KDF1: variants seen among roughly 807,000 people sequenced by gnomAD.
KDF1 encodes the protein RP11-344H11.3.
In KDF1, 11 loss-of-function variants were observed where a neutral mutation model predicts 31.6. The observed-to-expected ratio is 0.35, with a 90% confidence interval of 0.22 to 0.58. The LOEUF is 0.58. Ranked by LOEUF, KDF1 falls within the 20% of genes least tolerant of loss-of-function variation. KDF1 has a pLI of 0.83. For synonymous variants in KDF1, 205 were observed against 214.4 expected (o/e 0.96, Z 0.38); for missense variants, 476 against 549.1 (o/e 0.87, Z 1.33).
At position 26,951,742 on chromosome 1, in the gene KDF1, G is replaced by C. The variant is rs200494012; in HGVS notation, c.639C>G (p.Ser213=). Residue 213 remains serine (S), a synonymous_variant, in exon 2 of 4, where the codon TCC becomes TCG. Coordinates refer to ENST00000320567, the MANE Select transcript of KDF1 (RefSeq NM_152365.3). This position sits in a 1 kb window ranked among gnomAD's most constrained non-coding sequence, Gnocchi z 5.4. Reference sequence around the variant, plus strand: ...ACTCATGGAAAGAATAGTACTCCTCGGAGCCACGAGGACTACTGGCAAAGG... The same window carrying C: ...ACTCATGGAAAGAATAGTACTCCTCCGAGCCACGAGGACTACTGGCAAAGG... ...PSTFASSPRG[S]EEYYSFHESD... is the part of the protein sequence containing the mutation. 3.7e-6 allele frequency: 6 copies of C among 1,614,008 alleles called. No homozygotes were observed. Among genetic ancestry groups the C allele is most frequent in the Non-Finnish European group, 5.1e-6 (6 of 1,180,024 alleles).
At chr1:26,957,270 T>C (rs1557688247) in intron 1 of KDF1, among the ~76,000 whole-genome samples, 4 of 152,130 alleles carry the variant, frequency 2.6e-5, no homozygotes, top group African/African-American at 9.7e-5. Flanking sequence ...TACAACTCTT[T>C]AACCTACTCT....
At position 26,949,975 on chromosome 1, in the gene KDF1, T is replaced by G. The variant is rs1177267659; in HGVS notation, c.*94A>C. On this transcript the variant is annotated 3_prime_UTR_variant, in exon 4 of 4. Coordinates refer to ENST00000320567, the MANE Select transcript of KDF1 (RefSeq NM_152365.3). ...GAGCCAGAGTGGGCACTGCTTCAGG[T>G]CTAAGCCTCTCCCACAGGGGTTCCT... 5.3e-6 allele frequency: 7 copies of G among 1,323,632 alleles called. No individual in the cohort carries two copies. The highest frequency in any genetic ancestry group is 2.5e-4 in the Middle Eastern group (1 of 4,080). The allele number at this position is 1,323,632 out of a possible 1,614,324, so 82.0% of individuals were successfully genotyped here. A position where few individuals can be genotyped will look rare whatever the true frequency, so the allele number is the denominator to read the frequency against.
intron 1 of KDF1, among the ~76,000 whole-genome samples, chr1:26,958,787 GC>G (rs1314890728): frequency 6.6e-6 from 1 of 152,162 alleles, no homozygotes. Flanking sequence ...CATGTTGGGA[GC>G]CCTGTCTTCC....
Position 26,952,408 on chromosome 1 carries a change from G to C in KDF1, c.-28C>G, listed in dbSNP as rs766711238. 6.7e-7 allele frequency: 1 copy of C among 1,491,936 alleles called. No individual in the cohort carries two copies. Among genetic ancestry groups the C allele is most frequent in the East Asian group, 2.3e-5 (1 of 43,706 alleles). The allele number at this position is 1,491,936 out of a possible 1,614,324, so 92.4% of individuals were successfully genotyped here. A position where few individuals can be genotyped will look rare whatever the true frequency, so the allele number is the denominator to read the frequency against. On this transcript the variant is annotated 5_prime_UTR_variant, in exon 2 of 4. Coordinates refer to ENST00000320567, the MANE Select transcript of KDF1 (RefSeq NM_152365.3). This position sits in a 1 kb window ranked among gnomAD's most constrained non-coding sequence, Gnocchi z 4.1. ...CTCATTGCATGGTTTGTAGCAGCCAGGCACCTGCGTGGGGAGAGGCCAGGA... is the reference window on the plus strand; with the variant it reads ...CTCATTGCATGGTTTGTAGCAGCCACGCACCTGCGTGGGGAGAGGCCAGGA...
rs777367914 is a variant in KDF1, at chr1:26,951,794, G to A, written c.587C>T (p.Pro196Leu). Residue 196 changes from proline to leucine, a missense_variant, in exon 2 of 4, where the codon CCA (proline) becomes CTA (leucine). Pro to Leu is a moderately conservative substitution (Grantham distance 98). This residue lies in a region of KDF1 where 330 missense variants were observed against 332.3 expected (regional missense o/e 0.99). Transcript: ENST00000320567. The surrounding 1 kb of genome is among the most constrained non-coding windows in gnomAD (Gnocchi z 5.4). ...SCCKEPLADP[P>L]PMRHSLPSTF... ...GCTGGGCAGGCTGTGTCGCATGGGT[G>A]GGGGATCGGCCAGTGGCTCCTTGCA... is the stretch of plus-strand genomic sequence containing the variant. 2 of 1,613,990 alleles carry A rather than the reference G, an allele frequency of 1.2e-6. No individual in the cohort carries two copies.
intron 1 of KDF1, among the ~76,000 whole-genome samples, chr1:26,956,861 A>G (rs1243778213): frequency 6.6e-6 from 1 of 152,232 alleles, no homozygotes; most frequent in Non-Finnish European, 1.5e-5. Flanking sequence ...ATGTGTGTGT[A>G]GAGAAAGGGA....
Position 26,951,585 on chromosome 1 carries a change from T to G in KDF1, c.796A>C (p.Thr266Pro). ...TTACTGGTCTTCTCCAGGAACACAG[T>G]GTCTGATGTGCACTTGGCCAGCTCA... The part of the protein sequence containing the change: ...IDELAKCTSD[T>P]VFLEKTSKIS... Residue 266 changes from threonine (T) to proline (P), a missense_variant, in exon 2 of 4, where the codon ACT becomes CCT. Physicochemically the swap from Thr to Pro is conservative, Grantham distance 38. Around this residue, in one of 2 missense-constraint regions of KDF1, gnomAD observed 146 missense variants for 216.8 expected, o/e 0.67. Transcript: ENST00000320567. This position sits in a 1 kb window ranked among gnomAD's most constrained non-coding sequence, Gnocchi z 5.4. 1.2e-6 allele frequency: 2 copies of G among 1,613,370 alleles called. No homozygotes were observed. Among genetic ancestry groups the G allele is most frequent in the Non-Finnish European group, 1.7e-6 (2 of 1,179,494 alleles).
In KDF1 at chr1:26,952,718, C is replaced by T. The variant is rs112745579; in HGVS notation, c.-32-306G>A. On this transcript the variant is annotated intron_variant, in intron 1 of 3. Transcript: ENST00000320567. This position sits in a 1 kb window ranked among gnomAD's most constrained non-coding sequence, Gnocchi z 4.1. Reference sequence around the variant, plus strand: ...AACATTGGCCGGGCGTGGTGGCTCACGCCTGTAATCCCAGCACTTTGGGAG... The same window carrying T: ...AACATTGGCCGGGCGTGGTGGCTCATGCCTGTAATCCCAGCACTTTGGGAG... Among the ~76,000 whole-genome samples the T allele has an allele frequency of 0.038, 5,753 of 152,222 alleles. 336 individuals carry two copies. Among genetic ancestry groups the T allele is most frequent in the African/African-American group, 0.13 (5,405 of 41,492 alleles).
At position 26,950,889 on chromosome 1, in the gene KDF1, CAG is replaced by C; in HGVS notation, c.1040-135_1040-134del. 1.3e-5 allele frequency: 10 copies of C among 772,434 alleles called. No homozygotes were observed. Among genetic ancestry groups the C allele is most frequent in the East Asian group, 5.3e-5 (2 of 37,622 alleles). The allele number at this position is 772,434 out of a possible 1,614,324, so 47.8% of individuals were successfully genotyped here. A position where few individuals can be genotyped will look rare whatever the true frequency, so the allele number is the denominator to read the frequency against. ...GGGCTAGAAAAATAATGCTTAAAGACAGAGACATAGACAACGTGTGCATGCGC... is the reference window on the plus strand; with the variant it reads ...GGGCTAGAAAAATAATGCTTAAAGACAGACATAGACAACGTGTGCATGCGC... On this transcript the variant is annotated intron_variant, in intron 2 of 3. Coordinates refer to ENST00000320567, the MANE Select transcript of KDF1 (RefSeq NM_152365.3). This position sits in a 1 kb window ranked among gnomAD's most constrained non-coding sequence, Gnocchi z 4.0.
chr1:26,949,765 T>G lies in KDF1; in HGVS notation c.*304A>C. 1 of 314,066 alleles carries G rather than the reference T, an allele frequency of 3.2e-6. No individual in the cohort carries two copies. Among genetic ancestry groups the G allele is most frequent in the Non-Finnish European group, 6.1e-6 (1 of 163,900 alleles). 19.5% of individuals were successfully genotyped at this position (314,066 alleles called of 1,614,324 possible). On this transcript the variant is annotated 3_prime_UTR_variant, in exon 4 of 4. Transcript: ENST00000320567. Reference sequence around the variant, plus strand: ...TTAGGGTGGCAATAGGGGGATGGAGTCAGGGTTCACTCCCAGAAGGTAATG... The same window carrying G: ...TTAGGGTGGCAATAGGGGGATGGAGGCAGGGTTCACTCCCAGAAGGTAATG...
chr1:26,957,460 C>G (rs569449581), intron 1 of KDF1, among the ~76,000 whole-genome samples: 2 of 152,216 alleles, frequency 1.3e-5, no homozygotes, highest in Admixed American at 1.3e-4. Flanking sequence ...GTGTGTAATT[C>G]TTTTCTGCCT....
chr1:26,950,002 G>T lies in KDF1; in HGVS notation c.*67C>A. 2.0e-6 allele frequency: 3 copies of T among 1,510,334 alleles called. No individual in the cohort carries two copies. The highest frequency in any genetic ancestry group is 2.8e-6 in the Non-Finnish European group (3 of 1,090,018). 93.6% of individuals were successfully genotyped at this position (1,510,334 alleles called of 1,614,324 possible). A position where few individuals can be genotyped will look rare whatever the true frequency, so the allele number is the denominator to read the frequency against. On this transcript the variant is annotated 3_prime_UTR_variant, in exon 4 of 4. Coordinates refer to ENST00000320567, the MANE Select transcript of KDF1 (RefSeq NM_152365.3). The surrounding 1 kb of genome is among the most constrained non-coding windows in gnomAD (Gnocchi z 4.0). ...TAAGCCTCTCCCACAGGGGTTCCTG[G>T]TCCCCCTCTTCATTCTGTAGGCCAT... is the stretch of plus-strand genomic sequence containing the variant.
Position 26,950,647 on chromosome 1 carries a change from C to T in KDF1, c.1114+35G>A, listed in dbSNP as rs750963681. ...GTGAGGGGCCCCTAGGGTAGTCCCCCACCCTCCACACCCCTCATTAGGTCA... is the reference window on the plus strand; with the variant it reads ...GTGAGGGGCCCCTAGGGTAGTCCCCTACCCTCCACACCCCTCATTAGGTCA... On this transcript the variant is annotated intron_variant, in intron 3 of 3. Transcript: ENST00000320567. This position sits in a 1 kb window ranked among gnomAD's most constrained non-coding sequence, Gnocchi z 4.0. 1.9e-6 allele frequency: 3 copies of T among 1,573,624 alleles called. No homozygotes were observed. The South Asian group carries it at 3.3e-5, about 17-fold the overall frequency.
rs2082357891 is a variant in KDF1, at chr1:26,952,592, CT to C, written c.-32-181del. ...CCCAAGTATGCCCAAAAACCCTTATCTCTTGTGGCCCTCCCTCCACAAAGAG... is the reference window on the plus strand; with the variant it reads ...CCCAAGTATGCCCAAAAACCCTTATCCTTGTGGCCCTCCCTCCACAAAGAG... On this transcript the variant is annotated intron_variant, in intron 1 of 3. Coordinates refer to ENST00000320567, the MANE Select transcript of KDF1 (RefSeq NM_152365.3). The surrounding 1 kb of genome is among the most constrained non-coding windows in gnomAD (Gnocchi z 4.1). 6.6e-6 allele frequency among the ~76,000 whole-genome samples: 1 copy of C among 152,144 alleles called. No homozygotes were observed. The highest frequency in any genetic ancestry group is 2.4e-5 in the African/African-American group (1 of 41,430).
chr1:26,960,260 G>A lies in KDF1; in HGVS notation c.-33+90C>T, dbSNP rs971350019. ...GGTGGCCCCCGAGGAACCGGGCCCG[G>A]GACCCTCTCCTGTCCGGGCTCAGCT... On this transcript the variant is annotated intron_variant, in intron 1 of 3. Coordinates refer to ENST00000320567, the MANE Select transcript of KDF1 (RefSeq NM_152365.3). The surrounding 1 kb of genome is among the most constrained non-coding windows in gnomAD (Gnocchi z 4.9). The A allele has an allele frequency of 8.5e-5, 13 of 152,294 alleles. No individual in the cohort carries two copies. The highest frequency in any genetic ancestry group is 3.1e-4 in the African/African-American group (13 of 41,572). 9.4% of individuals were successfully genotyped at this position (152,294 alleles called of 1,614,324 possible). A position where few individuals can be genotyped will look rare whatever the true frequency, so the allele number is the denominator to read the frequency against.
Position 26,952,390 on chromosome 1 carries a change from C to A in KDF1, c.-10G>T, listed in dbSNP as rs919593203. On this transcript the variant is annotated 5_prime_UTR_variant, in exon 2 of 4. The change abolishes an upstream ATG in the 5' untranslated region. Coordinates refer to ENST00000320567, the MANE Select transcript of KDF1 (RefSeq NM_152365.3). The surrounding 1 kb of genome is among the most constrained non-coding windows in gnomAD (Gnocchi z 4.1). The stretch of plus-strand genomic sequence containing the variant: ...GTCCAGGGCGGGGCATGGCTCATTG[C>A]ATGGTTTGTAGCAGCCAGGCACCTG... 15 of 1,499,326 alleles carry A rather than the reference C, an allele frequency of 1.0e-5. No individual in the cohort carries two copies. Among genetic ancestry groups the A allele is most frequent in the Non-Finnish European group, 1.3e-5 (15 of 1,130,198 alleles). The allele number at this position is 1,499,326 out of a possible 1,614,324, so 92.9% of individuals were successfully genotyped here. A position where few individuals can be genotyped will look rare whatever the true frequency, so the allele number is the denominator to read the frequency against.
In KDF1 at chr1:26,950,242, C is replaced by G; in HGVS notation, c.1115-91G>C. 8.2e-7 allele frequency: 1 copy of G among 1,214,786 alleles called. No homozygotes were observed. Among genetic ancestry groups the G allele is most frequent in the Non-Finnish European group, 1.2e-6 (1 of 824,176 alleles). The allele number at this position is 1,214,786 out of a possible 1,614,324, so 75.3% of individuals were successfully genotyped here. On this transcript the variant is annotated intron_variant, in intron 3 of 3. Coordinates refer to ENST00000320567, the MANE Select transcript of KDF1 (RefSeq NM_152365.3). The surrounding 1 kb of genome is among the most constrained non-coding windows in gnomAD (Gnocchi z 4.0). ...CAGGGAGAAGCCTGCTGAGAAGGAG[C>G]AGAGTGGGACTTGAGCCTGGGTCAG...
rs2082350952 is a variant in KDF1 at position 26,951,807 on chromosome 1, G to A, written c.574C>T (p.Leu192=). ...PDADSCCKEP[L]ADPPPMRHSL... ...TGTCGCATGGGTGGGGGATCGGCCA[G>A]TGGCTCCTTGCAGCAGGAGTCCGCA... The change falls in exon 2 of 4, where the codon CTG becomes TTG. Residue 192 remains leucine (L), a synonymous_variant. Transcript: ENST00000320567. This position sits in a 1 kb window ranked among gnomAD's most constrained non-coding sequence, Gnocchi z 5.4. 6.2e-7 allele frequency: 1 copy of A among 1,614,000 alleles called. No individual in the cohort carries two copies. The highest frequency in any genetic ancestry group is 8.5e-7 in the Non-Finnish European group (1 of 1,180,034).
At chr1:26,958,532 C>A (rs1212016518) in intron 1 of KDF1, among the ~76,000 whole-genome samples, 1 of 152,218 alleles carries the variant, frequency 6.6e-6, no homozygotes, top group Non-Finnish European at 1.5e-5. Context: ...ATGGCTTACA[C>A]TGTTCTAAGT....
Sources: allele counts gnomAD v4.1 joint callset (sites outside exome capture counted in the v4.1 genomes callset), GRCh38; gene constraint gnomAD v4.1.1; regional missense constraint gnomAD v4.1.1; non-coding constraint Gnocchi (gnomAD v3.1); transcripts MANE v1.5; gene names NCBI Gene and HGNC (gene_info 2026-07-23, HGNC 2026-07-21).